The following MAP2K4 variants were observed in gnomAD, a reference collection of about 807,000 sequenced individuals.
The protein encoded by MAP2K4 is dual specificity mitogen-activated protein kinase kinase 4.
In MAP2K4, 4 loss-of-function variants were observed where a neutral mutation model predicts 48.5. The ratio of observed to expected loss-of-function variants is 0.08; its 90% CI spans 0.04 to 0.19. MAP2K4 has a LOEUF of 0.19. Ranked by LOEUF, MAP2K4 falls within the 10% of genes least tolerant of loss-of-function variation. The pLI is 1.00. For synonymous variants in MAP2K4, 166 were observed against 173.1 expected, an observed-to-expected ratio of 0.96 and a Z score of 0.32; for missense variants, 258 against 493.3, an observed-to-expected ratio of 0.52 and a Z score of 4.52.
At chr17:12,099,271 A>G (rs530143381) in intron 4 of MAP2K4, among the ~76,000 whole-genome samples, 6 of 151,300 alleles carry the variant, frequency 4.0e-5, no homozygotes, top group African/African-American at 1.5e-4. Flanking sequence ...TCTATTGTGT[A>G]TATATGTCAC....
At chr17:12,021,562 C>T (rs1969057207) in intron 1 of MAP2K4, 3 of 147,814 alleles carry the variant, frequency 2.0e-5, no homozygotes, top group Non-Finnish European at 4.4e-5. Flanking sequence ...ACGGGGGCCT[C>T]TTGGAACCTG....
intron 1 of MAP2K4, among the ~76,000 whole-genome samples, chr17:12,034,984 G>A (rs558449401): frequency 6.6e-6 from 1 of 152,320 alleles, no homozygotes; most frequent in African/African-American, 2.4e-5. Context: ...GGGAGCTGGA[G>A]ACTTGGTAGA....
chr17:12,101,591 T>A (rs1295674170), intron 4 of MAP2K4, among the ~76,000 whole-genome samples: 1 of 152,116 alleles, frequency 6.6e-6, no homozygotes, highest in Non-Finnish European at 1.5e-5. Flanking sequence ...TTATTGGGAT[T>A]TTTCTAATTT....
intron 1 of MAP2K4, among the ~76,000 whole-genome samples, chr17:12,050,085 C>T (rs920003386): frequency 3.9e-5 from 6 of 152,222 alleles, no homozygotes; most frequent in African/African-American, 9.6e-5. Flanking sequence ...GTTGTAGAGA[C>T]GGTTTCCATT....
intron 3 of MAP2K4, among the ~76,000 whole-genome samples, chr17:12,082,173 T>G (rs955288522): frequency 2.6e-4 from 40 of 152,066 alleles, no homozygotes; most frequent in Admixed American, 1.7e-3. Flanking sequence ...AACAGAGATT[T>G]GATCCATAGA....
chr17:12,047,070 C>T (rs1379612453), intron 1 of MAP2K4, among the ~76,000 whole-genome samples: 1 of 151,994 alleles, frequency 6.6e-6, no homozygotes, highest in African/African-American at 2.4e-5. Flanking sequence ...TGACACAATC[C>T]TTGGTATTCT....
In MAP2K4 at chr17:12,062,537, A is replaced by G. The variant is rs147776442; in HGVS notation, c.218+7546A>G. On this transcript the variant is annotated intron_variant, in intron 2 of 10. Transcript: ENST00000353533. Reference sequence around the variant, plus strand: ...ATTTTGTAGAGGACAGGGTCTTGCTATGTTGCCCAGGATGGTCTCGAACTC... The same window carrying G: ...ATTTTGTAGAGGACAGGGTCTTGCTGTGTTGCCCAGGATGGTCTCGAACTC... Among the ~76,000 whole-genome samples, 33 of 152,162 alleles carry G rather than the reference A, an allele frequency of 2.2e-4. 1 individual carries two copies. The highest frequency in any genetic ancestry group is 1.6e-3 in the Admixed American group (24 of 15,282).
At position 12,139,550 on chromosome 17, in the gene MAP2K4, T is replaced by C. The variant is rs962433121; in HGVS notation, c.1041-289T>C. Among the ~76,000 whole-genome samples, 5 of 152,312 alleles carry C rather than the reference T, an allele frequency of 3.3e-5. 1 individual carries two copies. The South Asian group carries it at 8.3e-4, about 25-fold the overall frequency. ...CTTATAAAACATTTATATATTTAAC[T>C]GTAGTATTCTGTGTAGCTATGCCAT... On this transcript the variant is annotated intron_variant, in intron 9 of 10. Transcript: ENST00000353533.
intron 7 of MAP2K4, chr17:12,125,087 A>G (rs1841389635): frequency 1.8e-6 from 1 of 544,724 alleles, no homozygotes; most frequent in South Asian, 2.4e-5. Flanking sequence ...TGAATTGCTT[A>G]GTGTTCTCTT....
intron 4 of MAP2K4, among the ~76,000 whole-genome samples, chr17:12,099,535 G>T (rs976324829): frequency 6.6e-6 from 1 of 152,056 alleles, no homozygotes; most frequent in Non-Finnish European, 1.5e-5. Flanking sequence ...TACTGAAGTT[G>T]GTAACTTCTA....
intron 2 of MAP2K4, among the ~76,000 whole-genome samples, chr17:12,071,707 A>G (rs901188946): frequency 2.0e-5 from 3 of 152,166 alleles, no homozygotes; most frequent in Non-Finnish European, 2.9e-5. Flanking sequence ...AAATATATAT[A>G]TATGATTCAA....
intron 4 of MAP2K4, among the ~76,000 whole-genome samples, chr17:12,099,851 G>A (rs1971879959): frequency 6.6e-6 from 1 of 152,098 alleles, no homozygotes; most frequent in Non-Finnish European, 1.5e-5. Context: ...TTTCATAGCA[G>A]GTAAACTCTT....
intron 2 of MAP2K4, among the ~76,000 whole-genome samples, chr17:12,065,627 G>A (rs1244135334): frequency 6.6e-6 from 1 of 151,998 alleles, no homozygotes; most frequent in Non-Finnish European, 1.5e-5. Context: ...GTAGAGATGG[G>A]GTTTCGCCAT....
At chr17:12,099,378 A>G (rs1971862593) in intron 4 of MAP2K4, among the ~76,000 whole-genome samples, 1 of 152,116 alleles carries the variant, frequency 6.6e-6, no homozygotes, top group Admixed American at 6.5e-5. Flanking sequence ...TTTTGATATA[A>G]TGATTTATTT....
chr17:12,111,239 A>G (rs1052158961), intron 6 of MAP2K4, among the ~76,000 whole-genome samples: 6 of 152,208 alleles, frequency 3.9e-5, no homozygotes, highest in African/African-American at 1.4e-4. Flanking sequence ...ATTCTGGGAG[A>G]CAATTTCTAG....
intron 1 of MAP2K4, among the ~76,000 whole-genome samples, chr17:12,029,563 G>A (rs1259689979): frequency 2.0e-5 from 3 of 151,978 alleles, no homozygotes; most frequent in East Asian, 1.9e-4. Context: ...CAGGTTCAAC[G>A]GATTATCTAG....
intron 7 of MAP2K4, chr17:12,124,673 T>C (rs1328320060): frequency 6.6e-6 from 1 of 152,182 alleles, no homozygotes; most frequent in East Asian, 1.9e-4. Flanking sequence ...TAAAACCTTT[T>C]TATTTTTTAA....
rs187851867 is a variant in MAP2K4 at position 12,112,060 on chromosome 17, C to G, written c.686-1173C>G. On this transcript the variant is annotated intron_variant, in intron 6 of 10. Coordinates refer to ENST00000353533, the MANE Select transcript of MAP2K4 (RefSeq NM_003010.4). ...CTCATGCCCTTAAACCAGCTACTATCAAGAAGCATGAGACTACCCTTATAA... is the reference window on the plus strand; with the variant it reads ...CTCATGCCCTTAAACCAGCTACTATGAAGAAGCATGAGACTACCCTTATAA... 1.7e-3 allele frequency among the ~76,000 whole-genome samples: 265 copies of G among 152,294 alleles called. 1 individual carries two copies. Among genetic ancestry groups the G allele is most frequent in the African/African-American group, 6.1e-3 (253 of 41,562 alleles).
chr17:12,088,202 C>G (rs1246448733), intron 3 of MAP2K4, among the ~76,000 whole-genome samples: 2 of 151,828 alleles, frequency 1.3e-5, no homozygotes, highest in Non-Finnish European at 2.9e-5. Flanking sequence ...CTCTCCTATC[C>G]TCTACATCAC....
Sources: gnomAD v4.1 joint callset for allele counts (sites outside exome capture counted in the v4.1 genomes callset) on GRCh38, gnomAD v4.1.1 for gene constraint, MANE v1.5 for transcripts, NCBI Gene and HGNC (gene_info 2026-07-23, HGNC 2026-07-21) for gene names.